The following COL24A1 variants were observed in gnomAD, a reference collection of about 807,000 sequenced individuals.
The protein encoded by COL24A1 is collagen type XXIV alpha 1 chain.
A neutral mutation model predicts 253.9 loss-of-function variants in COL24A1; 224 were observed. The ratio of observed to expected loss-of-function variants is 0.88; its 90% CI spans 0.79 to 0.99. The LOEUF (loss-of-function observed/expected upper bound fraction) is 0.99, where lower values mean the gene tolerates loss of function less well. Ranked by LOEUF, COL24A1 falls within the 50% of genes least tolerant of loss-of-function variation. The pLI, the probability that COL24A1 is intolerant of heterozygous loss-of-function variation, is 0.00. For missense variants in COL24A1, 2,131 were observed against 2,068.5 expected (o/e 1.03, Z -0.59); for synonymous variants, 685 against 673.7 (o/e 1.02, Z -0.26).
At chr1:86,126,554 C>T (rs983719474) in intron 2 of COL24A1, among the ~76,000 whole-genome samples, 2 of 152,028 alleles carry the variant, frequency 1.3e-5, no homozygotes, top group Non-Finnish European at 2.9e-5. Context: ...CTCACTGCAG[C>T]CTTGATATCC....
chr1:85,964,928 A>G, intron 23 of COL24A1, 81 bp downstream of exon 23: 5 of 1,260,410 alleles, frequency 4.0e-6, no homozygotes, highest in East Asian at 2.4e-5. Context: ...TGATGTGTTC[A>G]TTTCACATTT....
At chr1:85,949,906 C>G (rs1035706343) in intron 24 of COL24A1, among the ~76,000 whole-genome samples, 1 of 152,104 alleles carries the variant, frequency 6.6e-6, no homozygotes, top group Admixed American at 6.5e-5. Context: ...TCCCTCCTCC[C>G]TTTTACTGTA....
At chr1:85,773,777 T>C (rs1055110317) in intron 53 of COL24A1, among the ~76,000 whole-genome samples, 1 of 152,128 alleles carries the variant, frequency 6.6e-6, no homozygotes, top group Non-Finnish European at 1.5e-5. Context: ...GGGGCTGAGA[T>C]GATGGGGTTT....
intron 53 of COL24A1, among the ~76,000 whole-genome samples, chr1:85,771,049 C>G (rs887543625): frequency 7.9e-5 from 12 of 152,282 alleles, no homozygotes; most frequent in African/African-American, 2.6e-4. Flanking sequence ...TTGGCGGGTT[C>G]TTAAACATCT....
chr1:86,006,775 C>A (rs906761955), intron 19 of COL24A1, among the ~76,000 whole-genome samples: 1 of 151,902 alleles, frequency 6.6e-6, no homozygotes, highest in Non-Finnish European at 1.5e-5. Context: ...ATACAAAGAA[C>A]TCTGAAAACT....
chr1:86,114,917 T>C (rs1705985568), intron 4 of COL24A1, among the ~76,000 whole-genome samples: 1 of 152,318 alleles, frequency 6.6e-6, no homozygotes, highest in East Asian at 1.9e-4. Flanking sequence ...AGGGCAGTTA[T>C]TTTCTAGTCA....
intron 53 of COL24A1, among the ~76,000 whole-genome samples, chr1:85,774,850 G>T (rs1280039228): frequency 6.6e-6 from 1 of 152,084 alleles, no homozygotes; most frequent in East Asian, 1.9e-4. Flanking sequence ...TTCTTGAAGG[G>T]TTTTTTGGTG....
At chr1:86,130,624 T>G (rs78284633) in intron 2 of COL24A1, among the ~76,000 whole-genome samples, 2 of 151,956 alleles carry the variant, frequency 1.3e-5, no homozygotes, top group African/African-American at 4.8e-5. Context: ...CTTCTAATAT[T>G]AGTCTATAGG....
chr1:86,003,884 A>G (rs1226974294), intron 19 of COL24A1, among the ~76,000 whole-genome samples: 1 of 152,200 alleles, frequency 6.6e-6, no homozygotes, highest in African/African-American at 2.4e-5. Context: ...AATGCCCACC[A>G]GGAAGCATAT....
At chr1:86,028,782 A>C (rs547853695) in intron 14 of COL24A1, among the ~76,000 whole-genome samples, 1 of 152,346 alleles carries the variant, frequency 6.6e-6, no homozygotes, top group African/African-American at 2.4e-5. Context: ...TTTATGTGCC[A>C]GACAGTGTGC....
chr1:85,994,107 T>C (rs889108066), intron 19 of COL24A1, among the ~76,000 whole-genome samples: 2 of 151,938 alleles, frequency 1.3e-5, no homozygotes, highest in Admixed American at 1.3e-4. Context: ...GAACACAGCA[T>C]AGTTTGGCTT....
At chr1:85,848,413 G>T (rs1230450070) in intron 38 of COL24A1, among the ~76,000 whole-genome samples, 2 of 152,008 alleles carry the variant, frequency 1.3e-5, no homozygotes, top group African/African-American at 2.4e-5. Context: ...GGATTCAAGC[G>T]ATTCTCCTGC....
chr1:85,933,855 A>C (rs142918006), intron 24 of COL24A1, among the ~76,000 whole-genome samples: 2,496 of 152,296 alleles, frequency 0.016, 46 homozygotes, highest in Non-Finnish European at 0.019. Context: ...TTTTAAAACA[A>C]ATGTTGAAAT....
intron 14 of COL24A1, among the ~76,000 whole-genome samples, chr1:86,028,791 G>A (rs1365997658): frequency 6.6e-6 from 1 of 152,214 alleles, no homozygotes; most frequent in Non-Finnish European, 1.5e-5. Flanking sequence ...CAGACAGTGT[G>A]CTAAGTTTTG....
intron 43 of COL24A1, among the ~76,000 whole-genome samples, chr1:85,835,365 C>T (rs1459427320): frequency 1.3e-5 from 2 of 152,074 alleles, no homozygotes; most frequent in Non-Finnish European, 2.9e-5. Flanking sequence ...CTCCTGACCT[C>T]GTGATCTGCC....
intron 45 of COL24A1, among the ~76,000 whole-genome samples, chr1:85,821,326 T>C (rs1673600368): frequency 6.6e-6 from 1 of 152,174 alleles, no homozygotes; most frequent in African/African-American, 2.4e-5. Flanking sequence ...TTACAAGTAA[T>C]AGGCTTCTTC....
intron 19 of COL24A1, among the ~76,000 whole-genome samples, chr1:86,012,444 C>T (rs1696588615): frequency 6.6e-6 from 1 of 152,032 alleles, no homozygotes; most frequent in Non-Finnish European, 1.5e-5. Context: ...AAAAAATAAG[C>T]CTGGTGTGGT....
At chr1:85,875,068 A>ACTGTCT (rs1180989310) in intron 34 of COL24A1, among the ~76,000 whole-genome samples, 1 of 152,132 alleles carries the variant, frequency 6.6e-6, no homozygotes, top group African/African-American at 2.4e-5. Flanking sequence ...CTGTGGAAAA[A>ACTGTCT]CTGTCTTCCA....
chr1:85,765,545 A>G (rs1273062207), intron 53 of COL24A1, among the ~76,000 whole-genome samples: 3 of 7,538 alleles, frequency 4.0e-4, no homozygotes, highest in Admixed American at 1.6e-3. Flanking sequence ...TCTCTACCGA[A>G]AAAAAAAAAA....
Sources: allele counts gnomAD v4.1 joint callset (sites outside exome capture counted in the v4.1 genomes callset), GRCh38; gene constraint gnomAD v4.1.1; transcripts MANE v1.5; gene names NCBI Gene and HGNC (gene_info 2026-07-23, HGNC 2026-07-21).